Variants in SGCD observed in about 807,000 individuals in gnomAD.
SGCD encodes sarcoglycan delta.
In SGCD, 18 loss-of-function variants were observed where a neutral mutation model predicts 36.6. That is an observed-to-expected ratio of 0.49 (90% CI 0.34 to 0.73). The LOEUF is 0.73. Among genes scored for constraint, SGCD ranks in the 30% least tolerant of loss-of-function variants. The probability of loss-of-function intolerance (pLI) is 0.01; values close to 1 mark genes in which losing one functional copy is unlikely to be tolerated. For missense variants in SGCD, 387 were observed against 346.7 expected (o/e 1.12, Z -0.92); for synonymous variants, 133 against 130.6 (o/e 1.02, Z -0.12).
intron 1 of SGCD, among the ~76,000 whole-genome samples, chr5:155,894,226 A>G (rs1756199309): frequency 6.6e-6 from 1 of 152,212 alleles, no homozygotes; most frequent in South Asian, 2.1e-4. Flanking sequence ...AACTTTTTAA[A>G]AAGTTGTAAT....
chr5:156,459,657 C>A (rs1040582282), intron 3 of SGCD, among the ~76,000 whole-genome samples: 1 of 152,124 alleles, frequency 6.6e-6, no homozygotes, highest in South Asian at 2.1e-4. Context: ...AGAAGAGTAT[C>A]TAATCCATTT....
At chr5:155,790,381 C>A in the SGCD span, among the ~76,000 whole-genome samples, 1 of 151,978 alleles carries the variant, frequency 6.6e-6, no homozygotes, top group South Asian at 2.1e-4. Context: ...TCCAGAGAAT[C>A]AGAATAATTT....
upstream of SGCD, among the ~76,000 whole-genome samples, chr5:156,324,330 G>A (rs1024369190): frequency 6.6e-6 from 1 of 152,092 alleles, no homozygotes. Flanking sequence ...AAGTTAACAT[G>A]TACCTGTAAT....
intron 7 of SGCD, among the ~76,000 whole-genome samples, chr5:156,705,992 T>C (rs192054189): frequency 2.0e-5 from 3 of 152,320 alleles, no homozygotes; most frequent in African/African-American, 4.8e-5. Context: ...TATTCAATTT[T>C]GTAAGAAATT....
chr5:156,438,949 A>G (rs570022023), intron 3 of SGCD, among the ~76,000 whole-genome samples: 1 of 152,258 alleles, frequency 6.6e-6, no homozygotes, highest in South Asian at 2.1e-4. Flanking sequence ...TATTTCCTAC[A>G]TTTGACAAAT....
intron 1 of SGCD, among the ~76,000 whole-genome samples, chr5:155,978,917 A>G (rs983645422): frequency 2.6e-5 from 4 of 152,144 alleles, no homozygotes; most frequent in Admixed American, 6.5e-5. Flanking sequence ...ATCACTACTT[A>G]AAGATCTGGT....
At chr5:156,407,701 A>G (rs758731512) in intron 3 of SGCD, among the ~76,000 whole-genome samples, 3 of 152,236 alleles carry the variant, frequency 2.0e-5, no homozygotes, top group Non-Finnish European at 2.9e-5. Context: ...GGAGATTTTC[A>G]AGGGGAAATA....
chr5:155,843,139 T>A, the SGCD span, among the ~76,000 whole-genome samples: 8,340 of 152,262 alleles, frequency 0.055, 257 homozygotes, highest in Middle Eastern at 0.082. Flanking sequence ...TACGTGAGGA[T>A]TATGTTAGAA....
chr5:156,048,225 T>C (rs1425800930), intron 1 of SGCD, among the ~76,000 whole-genome samples: 1 of 152,228 alleles, frequency 6.6e-6, no homozygotes, highest in Non-Finnish European at 1.5e-5. Flanking sequence ...TCTATCATTG[T>C]TGGGCATTTG....
intron 3 of SGCD, among the ~76,000 whole-genome samples, chr5:156,455,507 C>T (rs1045616721): frequency 6.6e-6 from 1 of 151,690 alleles, no homozygotes; most frequent in Non-Finnish European, 1.5e-5. Flanking sequence ...TATTCCTACC[C>T]TCTCTCCTTC....
the SGCD span, among the ~76,000 whole-genome samples, chr5:155,855,018 G>A: frequency 2.6e-5 from 4 of 152,224 alleles, no homozygotes; most frequent in East Asian, 3.9e-4. Flanking sequence ...TAAAGATGCC[G>A]CTTTCAACTC....
At chr5:155,788,401 G>C in the SGCD span, among the ~76,000 whole-genome samples, 1 of 152,092 alleles carries the variant, frequency 6.6e-6, no homozygotes, top group Non-Finnish European at 1.5e-5. Flanking sequence ...GTCCAGGGTA[G>C]TTTTATGTGA....
At chr5:156,436,372 T>C (rs1480971183) in intron 3 of SGCD, among the ~76,000 whole-genome samples, 3 of 152,232 alleles carry the variant, frequency 2.0e-5, no homozygotes, top group Non-Finnish European at 4.4e-5. Flanking sequence ...GAATGAATGA[T>C]TGCACAAACA....
At chr5:155,909,592 G>C (rs1756590040) in intron 1 of SGCD, among the ~76,000 whole-genome samples, 1 of 152,098 alleles carries the variant, frequency 6.6e-6, no homozygotes, top group Non-Finnish European at 1.5e-5. Context: ...AGAGATTATA[G>C]AGTATTTTAG....
At chr5:156,398,403 A>G (rs1472341216) in intron 3 of SGCD, among the ~76,000 whole-genome samples, 4 of 152,164 alleles carry the variant, frequency 2.6e-5, no homozygotes, top group African/African-American at 9.7e-5. Context: ...TGGACAATTG[A>G]ATGAAATGAT....
chr5:156,215,541 A>G (rs1430179255), intron 3 of SGCD, among the ~76,000 whole-genome samples: 5 of 152,188 alleles, frequency 3.3e-5, no homozygotes, highest in African/African-American at 1.2e-4. Flanking sequence ...ACATTTCTTA[A>G]AAGAAGACAT....
At chr5:155,970,683 C>T (rs77802128) in intron 1 of SGCD, among the ~76,000 whole-genome samples, 2,373 of 152,226 alleles carry the variant, frequency 0.016, 65 homozygotes, top group African/African-American at 0.053. Flanking sequence ...TAGGATGTGA[C>T]TATGTCATAG....
chr5:156,251,107 A>G (rs1387179358), intron 3 of SGCD, among the ~76,000 whole-genome samples: 2 of 152,234 alleles, frequency 1.3e-5, no homozygotes, highest in Admixed American at 6.5e-5. Context: ...TAGAAAAGCA[A>G]ACTATTAAAG....
intron 3 of SGCD, among the ~76,000 whole-genome samples, chr5:156,280,204 A>G (rs919798372): frequency 2.6e-5 from 4 of 152,182 alleles, no homozygotes; most frequent in African/African-American, 9.6e-5. Flanking sequence ...AACTGGCAAT[A>G]GTGTCATGCC....
Sources: allele counts gnomAD v4.1 joint callset (sites outside exome capture counted in the v4.1 genomes callset), GRCh38; gene constraint gnomAD v4.1.1; transcripts MANE v1.5; gene names NCBI Gene and HGNC (gene_info 2026-07-23, HGNC 2026-07-21).